GNA12: variants seen among roughly 807,000 people sequenced by gnomAD.
GNA12 encodes the protein guanine nucleotide-binding protein subunit alpha-12.
Under a neutral mutation model 26.0 loss-of-function variants are expected in GNA12, and 9 were observed. That is an observed-to-expected ratio of 0.35 (90% CI 0.21 to 0.60). The LOEUF is 0.60. Ranked by LOEUF, GNA12 falls within the 20% of genes least tolerant of loss-of-function variation. GNA12 has a pLI of 0.78. For synonymous variants in GNA12, 264 were observed against 219.6 expected, an observed-to-expected ratio of 1.20 and a Z score of -1.79; for missense variants, 405 against 525.8, an observed-to-expected ratio of 0.77 and a Z score of 2.25.
In GNA12 at chr7:2,730,952, T is replaced by A. The variant is rs1789858348; in HGVS notation, c.*229A>T. ...CGTATTCACAACATCATCACTCGGATTTTCAGTAGTTTCACTCGCCCCCAG... is the reference window on the plus strand; with the variant it reads ...CGTATTCACAACATCATCACTCGGAATTTCAGTAGTTTCACTCGCCCCCAG... On this transcript the variant is annotated 3_prime_UTR_variant, in exon 4 of 4. Transcript: ENST00000275364. 3.8e-6 allele frequency: 2 copies of A among 521,002 alleles called. No homozygotes were observed. Among genetic ancestry groups the A allele is most frequent in the Non-Finnish European group, 6.9e-6 (2 of 289,644 alleles). 32.3% of individuals were successfully genotyped at this position (521,002 alleles called of 1,614,324 possible). A position where few individuals can be genotyped will look rare whatever the true frequency, so the allele number is the denominator to read the frequency against.
chr7:2,765,933 C>T (rs144743884), intron 2 of GNA12, among the ~76,000 whole-genome samples: 13 of 149,828 alleles, frequency 8.7e-5, no homozygotes, highest in African/African-American at 3.2e-4. Flanking sequence ...CGAGCCACTG[C>T]GCCCGGCTCC....
intron 1 of GNA12, among the ~76,000 whole-genome samples, chr7:2,834,233 G>C (rs577241998): frequency 6.6e-6 from 1 of 152,354 alleles, no homozygotes; most frequent in East Asian, 1.9e-4. Flanking sequence ...GATAAATGTA[G>C]AGGCATTAAG....
intron 1 of GNA12, among the ~76,000 whole-genome samples, chr7:2,831,639 G>A (rs1011558986): frequency 2.0e-5 from 3 of 151,964 alleles, no homozygotes; most frequent in South Asian, 4.1e-4. Flanking sequence ...TCCTGACCTC[G>A]TGATCCGCCC....
intron 2 of GNA12, among the ~76,000 whole-genome samples, chr7:2,741,756 G>A (rs988039354): frequency 1.3e-4 from 19 of 151,882 alleles, no homozygotes; most frequent in African/African-American, 3.9e-4. Flanking sequence ...AACAACTTCA[G>A]AGGGTATGTC....
At chr7:2,769,651 C>A (rs150617382) in intron 2 of GNA12, among the ~76,000 whole-genome samples, 33 of 152,042 alleles carry the variant, frequency 2.2e-4, no homozygotes, top group Middle Eastern at 3.4e-3. Context: ...GACAATGGCA[C>A]GAACCCGGGA....
Position 2,731,294 on chromosome 7 carries a change from G to A in GNA12, c.1033C>T (p.Pro345Ser), listed in dbSNP as rs201860352. The A allele has an allele frequency of 5.0e-6, 8 of 1,612,752 alleles. No homozygotes were observed. The Admixed American group carries it at 1.3e-4, about 27-fold the overall frequency. Residue 345 changes from proline (P) to serine (S), a missense_variant, in exon 4 of 4, where the codon CCA (proline) becomes TCA (serine). By Grantham distance (74) the Pro-to-Ser change is moderately conservative (BLOSUM62 -1). Transcript: ENST00000275364. The surrounding 1 kb of genome is among the most constrained non-coding windows in gnomAD (Gnocchi z 6.0). ...GCGGTGGTGAAGTGGTGGAAGAGTGGCTTGCTGCGGTTCCGTCTCTTCCTG... is the reference window on the plus strand; with the variant it reads ...GCGGTGGTGAAGTGGTGGAAGAGTGACTTGCTGCGGTTCCGTCTCTTCCTG... ...FDRKRRNRSK[P>S]LFHHFTTAID...
At chr7:2,838,786 T>C (rs966382232) in intron 1 of GNA12, among the ~76,000 whole-genome samples, 2 of 151,830 alleles carry the variant, frequency 1.3e-5, no homozygotes, top group African/African-American at 2.4e-5. Context: ...TCAAAGAAAA[T>C]TACTGGAGAA....
chr7:2,758,043 G>A (rs1791385976), intron 2 of GNA12, among the ~76,000 whole-genome samples: 1 of 152,144 alleles, frequency 6.6e-6, no homozygotes, highest in African/African-American at 2.4e-5. Flanking sequence ...CCTCTTGCTT[G>A]GGGATGAGTC....
chr7:2,731,517 C>T lies in GNA12; in HGVS notation c.810G>A (p.Leu270=), dbSNP rs1167354847. 6.8e-6 allele frequency: 11 copies of T among 1,612,656 alleles called. No individual in the cohort carries two copies. Among genetic ancestry groups the T allele is most frequent in the Admixed American group, 5.0e-5 (3 of 59,914 alleles). Residue 270 remains leucine (L), a synonymous_variant, in exon 4 of 4, where the codon CTG becomes CTA. Coordinates refer to ENST00000275364, the MANE Select transcript of GNA12 (RefSeq NM_007353.3). The surrounding 1 kb of genome is among the most constrained non-coding windows in gnomAD (Gnocchi z 6.0). ...VLMEDRRTNR[L]VESMNIFETI... The stretch of plus-strand genomic sequence containing the variant: ...TCTCGAAGATGTTCATGGACTCCAC[C>T]AGCCGGTTGGTGCGCCTGTCCTCCA...
At chr7:2,838,191 G>C (rs1245099861) in intron 1 of GNA12, among the ~76,000 whole-genome samples, 1 of 149,838 alleles carries the variant, frequency 6.7e-6, no homozygotes, top group South Asian at 2.1e-4. Context: ...CTGTAATCTC[G>C]GCACTTTGGC....
intron 1 of GNA12, among the ~76,000 whole-genome samples, chr7:2,832,362 C>T (rs550635443): frequency 3.9e-5 from 6 of 152,326 alleles, no homozygotes; most frequent in Admixed American, 2.0e-4. Context: ...TAGCTCTGAA[C>T]GACAGAGCAG....
intron 2 of GNA12, among the ~76,000 whole-genome samples, chr7:2,749,385 AT>A (rs1482813352): frequency 2.6e-5 from 4 of 152,062 alleles, no homozygotes; most frequent in African/African-American, 9.7e-5. Flanking sequence ...ACTAGAAACC[AT>A]CATTGTCAGC....
intron 2 of GNA12, among the ~76,000 whole-genome samples, chr7:2,742,497 T>C (rs778470205): frequency 1.5e-4 from 23 of 152,336 alleles, no homozygotes; most frequent in Non-Finnish European, 2.8e-4. Flanking sequence ...CTCATCGCTG[T>C]CCACATGGAC....
At chr7:2,767,699 G>A in intron 2 of GNA12, among the ~76,000 whole-genome samples, 1 of 152,146 alleles carries the variant, frequency 6.6e-6, no homozygotes, top group South Asian at 2.1e-4. Flanking sequence ...CTTAGCACCA[G>A]ATATATTTTG....
In GNA12 at chr7:2,731,547, G is replaced by A. The variant is rs1789896405; in HGVS notation, c.780C>T (p.Val260=). 5 of 1,611,338 alleles carry A rather than the reference G, an allele frequency of 3.1e-6. No homozygotes were observed. Among genetic ancestry groups the A allele is most frequent in the Non-Finnish European group, 4.2e-6 (5 of 1,177,980 alleles). Residue 260 remains valine (V), a synonymous_variant, in exon 4 of 4, where the codon GTC becomes GTT. Coordinates refer to ENST00000275364, the MANE Select transcript of GNA12 (RefSeq NM_007353.3). The surrounding 1 kb of genome is among the most constrained non-coding windows in gnomAD (Gnocchi z 6.0). ...FMVSSSEYDQ[V]LMEDRRTNRL... is the part of the protein sequence containing the mutation. ...GGTTGGTGCGCCTGTCCTCCATGAGGACCTGGTCGTACTCGCTGGAGGAGA... is the reference window on the plus strand; with the variant it reads ...GGTTGGTGCGCCTGTCCTCCATGAGAACCTGGTCGTACTCGCTGGAGGAGA...
intron 2 of GNA12, among the ~76,000 whole-genome samples, chr7:2,771,647 C>A (rs1221159789): frequency 6.6e-6 from 1 of 152,176 alleles, no homozygotes; most frequent in Non-Finnish European, 1.5e-5. Flanking sequence ...CCTTTCCTGG[C>A]TGAGCAGTAT....
intron 1 of GNA12, chr7:2,836,086 G>A (rs891142740): frequency 4.1e-6 from 1 of 241,818 alleles, no homozygotes; most frequent in Non-Finnish European, 8.7e-6. Flanking sequence ...AAGAAAAAAA[G>A]AATAAACTAG....
chr7:2,777,206 G>C (rs1466225468), intron 2 of GNA12, among the ~76,000 whole-genome samples: 1 of 152,202 alleles, frequency 6.6e-6, no homozygotes, highest in Non-Finnish European at 1.5e-5. Context: ...CCTTTCAAAC[G>C]TGGACGCTTG....
chr7:2,805,033 C>T (rs1215891388), intron 1 of GNA12, among the ~76,000 whole-genome samples: 2 of 152,180 alleles, frequency 1.3e-5, no homozygotes, highest in African/African-American at 4.8e-5. Context: ...TTCTTTAGAA[C>T]CCTCCTCCTG....
Sources: allele counts gnomAD v4.1 joint callset (sites outside exome capture counted in the v4.1 genomes callset), GRCh38; gene constraint gnomAD v4.1.1; non-coding constraint Gnocchi (gnomAD v3.1); transcripts MANE v1.5; gene names NCBI Gene and HGNC (gene_info 2026-07-23, HGNC 2026-07-21).